USP19: variants seen among roughly 807,000 people sequenced by gnomAD.
The protein encoded by USP19 is ubiquitin specific peptidase 19.
USP19 carries 40 observed loss-of-function variants against 144.8 expected under a neutral mutation model. The observed-to-expected ratio is 0.28, with a 90% CI of 0.21 to 0.36. The LOEUF is 0.36. Ranked by LOEUF, USP19 falls within the 10% of genes least tolerant of loss-of-function variation. USP19 has a pLI of 1.00. For synonymous variants in USP19, 701 were observed against 709.3 expected (o/e 0.99, Z 0.19); for missense variants, 1,518 against 1,822.5 (o/e 0.83, Z 3.04).
chr3:49,110,556 C>G lies in USP19; in HGVS notation c.3747G>C (p.Leu1249=), dbSNP rs1306010527. 6.2e-7 allele frequency: 1 copy of G among 1,614,086 alleles called. No homozygotes were observed. The highest frequency in any genetic ancestry group is 8.5e-7 in the Non-Finnish European group (1 of 1,180,026). The stretch of plus-strand genomic sequence containing the variant: ...TGACAGCATATAGATCGTAGCTGGG[C>G]AGCTGCTCCTCTTTCTGACCAATGC... ...KFCIGQKEEQ[L]PSYDLYAVIN... Residue 1249 remains leucine, a synonymous_variant, in exon 25 of 27, where the codon CTG becomes CTC. Coordinates refer to ENST00000417901, the MANE Select transcript of USP19 (RefSeq NM_001199161.2). The surrounding 1 kb of genome is among the most constrained non-coding windows in gnomAD (Gnocchi z 6.1).
Position 49,111,829 on chromosome 3 carries a change from A to G in USP19, c.2904-16T>C, listed in dbSNP as rs2043194069. Reference sequence around the variant, plus strand: ...CACAGAGTACCTGGCAACAGAGAACAACGCAAGTAAGACTCCTGACCAGCC... The same window carrying G: ...CACAGAGTACCTGGCAACAGAGAACGACGCAAGTAAGACTCCTGACCAGCC... On this transcript the variant is annotated splice_polypyrimidine_tract_variant and intron_variant, in intron 20 of 26. Coordinates refer to ENST00000417901, the MANE Select transcript of USP19 (RefSeq NM_001199161.2). This position sits in a 1 kb window ranked among gnomAD's most constrained non-coding sequence, Gnocchi z 5.9. 1 of 1,579,290 alleles carries G rather than the reference A, an allele frequency of 6.3e-7. No homozygotes were observed. The highest frequency in any genetic ancestry group is 8.6e-7 in the Non-Finnish European group (1 of 1,160,836).
intron 26 of USP19, chr3:49,109,324 G>C (rs1180819175): frequency 6.7e-5 from 76 of 1,126,042 alleles, no homozygotes; most frequent in Non-Finnish European, 8.8e-5. Context: ...AAGGAGGAAG[G>C]CAGGCAGCCA....
In USP19 at chr3:49,116,946, A is replaced by G; in HGVS notation, c.910-3T>C. On this transcript the variant is annotated splice_polypyrimidine_tract_variant and splice_region_variant and intron_variant, in intron 6 of 26. Coordinates refer to ENST00000417901, the MANE Select transcript of USP19 (RefSeq NM_001199161.2). This position sits in a 1 kb window ranked among gnomAD's most constrained non-coding sequence, Gnocchi z 5.0. ...CAAAGCTGTTCATCAGCCTCAACCT[A>G]TTAATGGCAAGATTGTGGAAAGAAT... 2 of 1,612,848 alleles carry G rather than the reference A, an allele frequency of 1.2e-6. No homozygotes were observed. Among genetic ancestry groups the G allele is most frequent in the Non-Finnish European group, 1.7e-6 (2 of 1,179,400 alleles).
At chr3:49,119,313 G>A in intron 1 of USP19, 32 bp from the exon 2 acceptor site, 1 of 867,940 alleles carries the variant, frequency 1.2e-6, no homozygotes, top group Non-Finnish European at 1.7e-6. Flanking sequence ...TCACTGCCAA[G>A]ACCCAACAAC....
rs1487258040 is a variant in USP19, at chr3:49,118,301, T to C, written c.125-181A>G. 1.0e-4 allele frequency among the ~76,000 whole-genome samples: 15 copies of C among 148,872 alleles called. 1 individual carries two copies. On this transcript the variant is annotated intron_variant, in intron 2 of 26. Transcript: ENST00000417901. ...AAAAAAAAAGGGACAGGCACGGTGGTTCACGCCTGCAATCCCAGCACTTTG... is the reference window on the plus strand; with the variant it reads ...AAAAAAAAAGGGACAGGCACGGTGGCTCACGCCTGCAATCCCAGCACTTTG...
chr3:49,113,943 T>TACAC, intron 17 of USP19, 49 bp downstream of exon 17: 1 of 1,579,258 alleles, frequency 6.3e-7, no homozygotes, highest in African/African-American at 1.4e-5. Flanking sequence ...CTGTGGTGAG[T>TACAC]ACACACACAC....
chr3:49,118,127 A>G lies in USP19; in HGVS notation c.125-7T>C, dbSNP rs762277240. The stretch of plus-strand genomic sequence containing the variant: ...ACATATCGAGACCCTGTCTCTAAAA[A>G]AAAAATAAGAAAAATTAGTCAAGCA... On this transcript the variant is annotated splice_polypyrimidine_tract_variant and splice_region_variant and intron_variant, in intron 2 of 26. Coordinates refer to ENST00000417901, the MANE Select transcript of USP19 (RefSeq NM_001199161.2). The G allele has an allele frequency of 2.6e-6, 3 of 1,139,150 alleles. No individual in the cohort carries two copies. The highest frequency in any genetic ancestry group is 3.7e-6 in the Non-Finnish European group (3 of 805,168). The allele number at this position is 1,139,150 out of a possible 1,614,324, so 70.6% of individuals were successfully genotyped here.
At chr3:49,118,898 C>T in intron 2 of USP19, 124 bp downstream of exon 2, 1 of 1,454,178 alleles carries the variant, frequency 6.9e-7, no homozygotes, top group Non-Finnish European at 9.3e-7. Flanking sequence ...ATGGGTCCTT[C>T]TTCTCTCATC....
In USP19 at chr3:49,116,944, C is replaced by T; in HGVS notation, c.910-1G>A. 6.2e-7 allele frequency: 1 copy of T among 1,613,040 alleles called. No homozygotes were observed. The highest frequency in any genetic ancestry group is 8.5e-7 in the Non-Finnish European group (1 of 1,179,538). On this transcript the variant is annotated splice_acceptor_variant, in intron 6 of 26. Coordinates refer to ENST00000417901, the MANE Select transcript of USP19 (RefSeq NM_001199161.2). LOFTEE classifies it high-confidence loss of function. The surrounding 1 kb of genome is among the most constrained non-coding windows in gnomAD (Gnocchi z 5.0). ...TGCAAAGCTGTTCATCAGCCTCAACCTATTAATGGCAAGATTGTGGAAAGA... is the reference window on the plus strand; with the variant it reads ...TGCAAAGCTGTTCATCAGCCTCAACTTATTAATGGCAAGATTGTGGAAAGA...
intron 2 of USP19, 136 bp from the exon 3 acceptor site, chr3:49,118,256 A>C: frequency 5.4e-6 from 2 of 368,348 alleles, no homozygotes; most frequent in Middle Eastern, 7.2e-4. Flanking sequence ...CAAGAGTGAG[A>C]CCCTGCCTTT....
In USP19 at chr3:49,108,817, G is replaced by C; in HGVS notation, c.4039-289C>G. The C allele has an allele frequency of 6.9e-7, 1 of 1,443,840 alleles. No homozygotes were observed. Among genetic ancestry groups the C allele is most frequent in the Non-Finnish European group, 9.1e-7 (1 of 1,098,510 alleles). 89.4% of individuals were successfully genotyped at this position (1,443,840 alleles called of 1,614,324 possible). A position where few individuals can be genotyped will look rare whatever the true frequency, so the allele number is the denominator to read the frequency against. On this transcript the variant is annotated intron_variant, in intron 26 of 26. Transcript: ENST00000417901. This position sits in a 1 kb window ranked among gnomAD's most constrained non-coding sequence, Gnocchi z 4.8. ...ACACACCCTAGGATACTCTGCCCCT[G>C]CAGGGGCCACAACCTCCCCACCCTC...
chr3:49,109,444 G>C (rs2042811152), intron 26 of USP19, among the ~76,000 whole-genome samples: 1 of 152,130 alleles, frequency 6.6e-6, no homozygotes, highest in African/African-American at 2.4e-5. Context: ...GAGGTGGGAG[G>C]GGAGTTATCT....
In USP19 at chr3:49,108,274, T is replaced by C. The variant is rs1559976826; in HGVS notation, c.*138A>G. The C allele has an allele frequency of 3.5e-6, 1 of 281,740 alleles. No homozygotes were observed. Among genetic ancestry groups the C allele is most frequent in the Non-Finnish European group, 7.2e-6 (1 of 139,616 alleles). The allele number at this position is 281,740 out of a possible 1,614,324, so 17.5% of individuals were successfully genotyped here. On this transcript the variant is annotated 3_prime_UTR_variant, in exon 27 of 27. Coordinates refer to ENST00000417901, the MANE Select transcript of USP19 (RefSeq NM_001199161.2). This position sits in a 1 kb window ranked among gnomAD's most constrained non-coding sequence, Gnocchi z 4.8. ...TGACAAGAAGTCCCAACCTGAGAGG[T>C]CTCCACACCCAAATCATACCCCTCA... is the stretch of plus-strand genomic sequence containing the variant.
rs550101978 is a variant in USP19, at chr3:49,108,348, G to A, written c.*64C>T. The A allele has an allele frequency of 2.2e-5, 12 of 546,394 alleles. 1 individual carries two copies. Among genetic ancestry groups the A allele is most frequent in the South Asian group, 8.6e-5 (3 of 34,902 alleles). 33.8% of individuals were successfully genotyped at this position (546,394 alleles called of 1,614,324 possible). A position where few individuals can be genotyped will look rare whatever the true frequency, so the allele number is the denominator to read the frequency against. ...TCCTCTGGGTTAGAGAAGGAGAAGC[G>A]GCAAGGAGCTGGCCCTCTGTGTGGG... On this transcript the variant is annotated 3_prime_UTR_variant, in exon 27 of 27. Coordinates refer to ENST00000417901, the MANE Select transcript of USP19 (RefSeq NM_001199161.2). The surrounding 1 kb of genome is among the most constrained non-coding windows in gnomAD (Gnocchi z 4.8).
At position 49,116,132 on chromosome 3, in the gene USP19, G is replaced by A. The variant is rs752384249; in HGVS notation, c.1386C>T (p.Phe462=). The A allele has an allele frequency of 7.4e-6, 12 of 1,613,678 alleles. No individual in the cohort carries two copies. Among genetic ancestry groups the A allele is most frequent in the Non-Finnish European group, 1.0e-5 (12 of 1,179,896 alleles). Residue 462 remains phenylalanine (F), a synonymous_variant, in exon 10 of 27, where the codon TTC becomes TTT. Coordinates refer to ENST00000417901, the MANE Select transcript of USP19 (RefSeq NM_001199161.2). The surrounding 1 kb of genome is among the most constrained non-coding windows in gnomAD (Gnocchi z 5.0). ...RNLIEPEQCT[F]CFTASRIDIC... ...TGTCGATGCGAGAAGCCGTGAAACAGAAGGTGCACTGCTCTGGCTCAATCA... is the reference window on the plus strand; with the variant it reads ...TGTCGATGCGAGAAGCCGTGAAACAAAAGGTGCACTGCTCTGGCTCAATCA...
chr3:49,109,429 G>A (rs930658554), intron 26 of USP19, among the ~76,000 whole-genome samples: 4 of 152,130 alleles, frequency 2.6e-5, no homozygotes, highest in Admixed American at 6.6e-5. Flanking sequence ...ATGCAGCTCC[G>A]CATGGAGGTG....
chr3:49,120,472 G>C (rs2045045570), intron 1 of USP19: 1 of 152,342 alleles, frequency 6.6e-6, no homozygotes, highest in Non-Finnish European at 1.5e-5. Context: ...ACTGACCACA[G>C]ATCAGCGCCC....
chr3:49,118,134 A>T lies in USP19; in HGVS notation c.125-14T>A, dbSNP rs1172822125. ...GAGACCCTGTCTCTAAAAAAAAAAT[A>T]AGAAAAATTAGTCAAGCATGGTGAG... On this transcript the variant is annotated splice_polypyrimidine_tract_variant and intron_variant, in intron 2 of 26. Coordinates refer to ENST00000417901, the MANE Select transcript of USP19 (RefSeq NM_001199161.2). 6 of 1,083,030 alleles carry T rather than the reference A, an allele frequency of 5.5e-6. No individual in the cohort carries two copies. In the East Asian group the frequency reaches 1.0e-4, roughly 19 times the overall value. 67.1% of individuals were successfully genotyped at this position (1,083,030 alleles called of 1,614,324 possible). A position where few individuals can be genotyped will look rare whatever the true frequency, so the allele number is the denominator to read the frequency against.
In USP19 at chr3:49,111,937, G is replaced by A. The variant is rs376860659; in HGVS notation, c.2877C>T (p.Leu959=). 343 of 1,613,934 alleles carry A rather than the reference G, an allele frequency of 2.1e-4. 1 individual carries two copies. Among genetic ancestry groups the A allele is most frequent in the Middle Eastern group, 6.6e-4 (4 of 6,084 alleles). ...GGGCATAGCCCTCTAGCAACTGAGC[G>A]AGGCGGGCATAAGTGAGGCGTGAGG... ...VPASRLTYAR[L]AQLLEGYARY... The change falls in exon 20 of 27, where the codon CTC becomes CTT. Residue 959 remains leucine (L), a synonymous_variant. Transcript: ENST00000417901. The surrounding 1 kb of genome is among the most constrained non-coding windows in gnomAD (Gnocchi z 5.9).
Sources: allele counts gnomAD v4.1 joint callset (sites outside exome capture counted in the v4.1 genomes callset), GRCh38; gene constraint gnomAD v4.1.1; non-coding constraint Gnocchi (gnomAD v3.1); transcripts MANE v1.5; gene names NCBI Gene and HGNC (gene_info 2026-07-23, HGNC 2026-07-21).